The following PRKG2 variants were observed in gnomAD, a reference collection of about 807,000 sequenced individuals.
PRKG2 encodes the protein protein kinase cGMP-dependent 2, also known as cGMP-dependent protein kinase 2.
In PRKG2, 33 loss-of-function variants were observed where a neutral mutation model predicts 97.2. The observed-to-expected ratio is 0.34, with a 90% CI of 0.26 to 0.45. The LOEUF (loss-of-function observed/expected upper bound fraction) is 0.45, where lower values mean the gene tolerates loss of function less well. Ranked by LOEUF, PRKG2 falls within the 20% of genes least tolerant of loss-of-function variation. PRKG2 has a pLI of 1.00. For missense variants in PRKG2, 638 were observed against 900.0 expected (o/e 0.71, Z 3.73); for synonymous variants, 330 against 321.8 (o/e 1.03, Z -0.27).
intron 17 of PRKG2, among the ~76,000 whole-genome samples, chr4:81,095,624 G>A (rs1742039336): frequency 6.6e-6 from 1 of 152,124 alleles, no homozygotes; most frequent in South Asian, 2.1e-4. Context: ...CTTAACACAT[G>A]GCCTTTTGAC....
At chr4:81,118,640 G>A (rs1744782910) in intron 14 of PRKG2, among the ~76,000 whole-genome samples, 1 of 152,128 alleles carries the variant, frequency 6.6e-6, no homozygotes, top group African/African-American at 2.4e-5. Context: ...ATTTAATCAA[G>A]TTGTTTGTTT....
At chr4:81,211,716 G>C (rs377471694) in intron 1 of PRKG2, among the ~76,000 whole-genome samples, 106 of 152,090 alleles carry the variant, frequency 7.0e-4, no homozygotes, top group African/African-American at 2.3e-3. Context: ...TTAATGACTT[G>C]AACTTCTTGA....
intron 2 of PRKG2, among the ~76,000 whole-genome samples, chr4:81,201,019 G>C (rs762140677): frequency 1.3e-5 from 2 of 152,100 alleles, no homozygotes; most frequent in Non-Finnish European, 2.9e-5. Flanking sequence ...AATCTCACAG[G>C]CATAGACTCA....
At chr4:81,134,051 C>G (rs969893760) in intron 14 of PRKG2, among the ~76,000 whole-genome samples, 3 of 152,074 alleles carry the variant, frequency 2.0e-5, no homozygotes, top group Non-Finnish European at 4.4e-5. Context: ...CTCACCAGTT[C>G]TCAAAGCTAT....
chr4:81,148,438 G>GT (rs1260571575), intron 9 of PRKG2, among the ~76,000 whole-genome samples: 2 of 152,036 alleles, frequency 1.3e-5, no homozygotes, highest in African/African-American at 4.8e-5. Flanking sequence ...TACAACAAAT[G>GT]TTCAATTAAA....
At position 81,190,045 on chromosome 4, in the gene PRKG2, A is replaced by G. The variant is rs371849821; in HGVS notation, c.461+14542T>C. On this transcript the variant is annotated intron_variant, in intron 2 of 18. Transcript: ENST00000264399. Reference sequence around the variant, plus strand: ...TCAATGCTATCCCCATCAAGCTACCATTGATTTCCATCACAGAATTAGAAA... The same window carrying G: ...TCAATGCTATCCCCATCAAGCTACCGTTGATTTCCATCACAGAATTAGAAA... Among the ~76,000 whole-genome samples the G allele has an allele frequency of 8.6e-4, 131 of 152,348 alleles. 1 individual carries two copies. Among genetic ancestry groups the G allele is most frequent in the African/African-American group, 2.8e-3 (117 of 41,582 alleles).
At chr4:81,110,337 C>T (rs1293414127) in intron 15 of PRKG2, 111 bp downstream of exon 15, 7 of 1,191,336 alleles carry the variant, frequency 5.9e-6, no homozygotes, top group African/African-American at 3.1e-5. Context: ...CATACTTAAT[C>T]GAAAACATTT....
At chr4:81,199,864 G>C (rs546409770) in intron 2 of PRKG2, among the ~76,000 whole-genome samples, 42 of 152,244 alleles carry the variant, frequency 2.8e-4, no homozygotes, top group Non-Finnish European at 5.4e-4. Flanking sequence ...CTGCTCCTGT[G>C]GTGGGAGTGA....
chr4:81,206,783 C>A (rs1207246426), intron 1 of PRKG2, among the ~76,000 whole-genome samples: 2 of 152,268 alleles, frequency 1.3e-5, no homozygotes, highest in African/African-American at 4.8e-5. Flanking sequence ...ACCTCTACAA[C>A]AACAAAGGCA....
At chr4:81,165,155 G>A (rs1304065164) in intron 6 of PRKG2, among the ~76,000 whole-genome samples, 1 of 152,116 alleles carries the variant, frequency 6.6e-6, no homozygotes, top group Non-Finnish European at 1.5e-5. Context: ...ACAAGAAGAG[G>A]CTTAAAGGCA....
chr4:81,157,217 A>C (rs1749182720), intron 6 of PRKG2, among the ~76,000 whole-genome samples: 1 of 152,196 alleles, frequency 6.6e-6, no homozygotes, highest in Admixed American at 6.5e-5. Context: ...AGAAGAATCA[A>C]ATAGATGCAA....
At chr4:81,130,017 G>A (rs1384896848) in intron 14 of PRKG2, among the ~76,000 whole-genome samples, 1 of 152,110 alleles carries the variant, frequency 6.6e-6, no homozygotes, top group Non-Finnish European at 1.5e-5. Context: ...GTTCTTGTAA[G>A]GCAGTCCTCG....
chr4:81,199,009 T>C (rs1199734204), intron 2 of PRKG2, among the ~76,000 whole-genome samples: 1 of 152,214 alleles, frequency 6.6e-6, no homozygotes, highest in Non-Finnish European at 1.5e-5. Flanking sequence ...CCTTATCCTA[T>C]ATAGACAGCT....
intron 14 of PRKG2, among the ~76,000 whole-genome samples, chr4:81,119,865 G>A (rs1434948611): frequency 5.3e-5 from 8 of 151,904 alleles, no homozygotes; most frequent in South Asian, 2.1e-4. Context: ...TAGTAGAGAC[G>A]GCGTTTCACT....
At chr4:81,169,835 A>T (rs893074741) in intron 4 of PRKG2, 67 bp from the exon 5 acceptor site, 23 of 1,032,260 alleles carry the variant, frequency 2.2e-5, no homozygotes, top group Middle Eastern at 2.1e-4. Flanking sequence ...CAAAATATAA[A>T]TCGATGGATT....
intron 12 of PRKG2, among the ~76,000 whole-genome samples, chr4:81,139,969 CA>C (rs201582529): frequency 6.6e-6 from 1 of 151,582 alleles, no homozygotes; most frequent in African/African-American, 2.4e-5. Context: ...CTCAACCATA[CA>C]AAAAAAATGA....
chr4:81,106,061 T>C, intron 15 of PRKG2, 126 bp from the exon 16 acceptor site: 1 of 1,165,246 alleles, frequency 8.6e-7, no homozygotes, highest in South Asian at 1.7e-5. Context: ...TCTGTCTCAG[T>C]TGTTTTACAA....
At chr4:81,171,001 TA>T (rs1212285615) in intron 4 of PRKG2, among the ~76,000 whole-genome samples, 1 of 152,148 alleles carries the variant, frequency 6.6e-6, no homozygotes, top group African/African-American at 2.4e-5. Context: ...TTTTTATTTT[TA>T]TTTTTAATTT....
intron 2 of PRKG2, among the ~76,000 whole-genome samples, chr4:81,190,452 TA>T (rs1752385767): frequency 6.6e-6 from 1 of 152,132 alleles, no homozygotes; most frequent in African/African-American, 2.4e-5. Flanking sequence ...CAAGATGCAT[TA>T]AAGACTTAAA....
Sources: allele counts gnomAD v4.1 joint callset (sites outside exome capture counted in the v4.1 genomes callset), GRCh38; gene constraint gnomAD v4.1.1; transcripts MANE v1.5; gene names NCBI Gene and HGNC (gene_info 2026-07-23, HGNC 2026-07-21).